Variants in TDRD1 observed in about 807,000 individuals in gnomAD.
The protein encoded by TDRD1 is tudor domain-containing protein 1.
TDRD1 carries 37 observed loss-of-function variants against 140.6 expected under a neutral mutation model. That is an observed-to-expected ratio of 0.26 (90% CI 0.20 to 0.35). TDRD1 has a LOEUF of 0.35. Among genes scored for constraint, TDRD1 ranks in the 10% least tolerant of loss-of-function variants. The probability of loss-of-function intolerance (pLI) is 1.00; values close to 1 mark genes in which losing one functional copy is unlikely to be tolerated. For synonymous variants in TDRD1, 506 were observed against 475.7 expected (o/e 1.06, Z -0.83); for missense variants, 1,243 against 1,393.0 (o/e 0.89, Z 1.71).
Position 114,227,971 on chromosome 10 carries a change from CT to C in TDRD1, c.3450+18del. The C allele has an allele frequency of 6.2e-7, 1 of 1,612,362 alleles. No individual in the cohort carries two copies. The highest frequency in any genetic ancestry group is 8.5e-7 in the Non-Finnish European group (1 of 1,178,618). ...TACAGAAACAAGTAGGTAAAATTTC[CT>C]TTAAGTGAAATTATACTCCTAACGT... On this transcript the variant is annotated intron_variant, in intron 24 of 25. Transcript: ENST00000251864.
intron 5 of TDRD1, among the ~76,000 whole-genome samples, chr10:114,202,018 C>T (rs931340100): frequency 2.0e-5 from 3 of 152,192 alleles, no homozygotes; most frequent in Non-Finnish European, 4.4e-5. Flanking sequence ...CTCTGTCTGT[C>T]TCATTAGGTG....
upstream of TDRD1, among the ~76,000 whole-genome samples, chr10:114,177,888 G>A (rs1001303112): frequency 4.7e-5 from 7 of 147,898 alleles, no homozygotes; most frequent in Non-Finnish European, 1.0e-4. Flanking sequence ...CTGGAGTGCA[G>A]TGGCAGTGAT....
downstream of TDRD1, chr10:114,232,326 A>C (rs1292043070): frequency 6.6e-6 from 1 of 151,184 alleles, no homozygotes; most frequent in East Asian, 1.9e-4. Context: ...AAAAACGAAG[A>C]GTGTATATTT....
At chr10:114,192,110 T>C (rs1339431538) in intron 3 of TDRD1, among the ~76,000 whole-genome samples, 1 of 151,940 alleles carries the variant, frequency 6.6e-6, no homozygotes, top group Non-Finnish European at 1.5e-5. Flanking sequence ...ATATTGGTCC[T>C]TTGTCAAGTA....
chr10:114,197,380 T>A (rs1435457518), intron 3 of TDRD1, among the ~76,000 whole-genome samples: 1 of 152,246 alleles, frequency 6.6e-6, no homozygotes, highest in Admixed American at 6.5e-5. Flanking sequence ...TGTATTTTTG[T>A]TATACTTTTC....
At chr10:114,215,168 C>T (rs151126247) in intron 16 of TDRD1, among the ~76,000 whole-genome samples, 1 of 152,294 alleles carries the variant, frequency 6.6e-6, no homozygotes, top group East Asian at 1.9e-4. Flanking sequence ...CTGCTGCCCC[C>T]TGCACTGTGA....
chr10:114,178,783 A>C (rs2032788431), upstream of TDRD1, among the ~76,000 whole-genome samples: 1 of 152,046 alleles, frequency 6.6e-6, no homozygotes, highest in Non-Finnish European at 1.5e-5. Context: ...GATGTAGACA[A>C]GATTAACCAT....
exon 12 of TDRD1, chr10:114,210,635 A>C: frequency 6.2e-7 from 1 of 1,611,156 alleles, no homozygotes; most frequent in Non-Finnish European, 8.5e-7. Context: ...GTCGTAGACA[A>C]AAGTGACCTA....
At chr10:114,223,800 T>G (rs2036284601) in intron 21 of TDRD1, among the ~76,000 whole-genome samples, 1 of 152,204 alleles carries the variant, frequency 6.6e-6, no homozygotes. Context: ...GTGCTCTGCA[T>G]TAGTGCAAAT....
intron 15 of TDRD1, 127 bp from the exon 16 acceptor site, chr10:114,213,850 A>G (rs2035642558): frequency 1.2e-6 from 1 of 810,874 alleles, no homozygotes; most frequent in African/African-American, 1.7e-5. Flanking sequence ...TTTACGGTTA[A>G]TATTCCTATA....
chr10:114,199,166 T>C lies in TDRD1; in HGVS notation c.385-7T>C, dbSNP rs1358762688. 5 of 1,606,350 alleles carry C rather than the reference T, an allele frequency of 3.1e-6. No homozygotes were observed. The highest frequency in any genetic ancestry group is 2.2e-5 in the East Asian group (1 of 44,846). On this transcript the variant is annotated splice_polypyrimidine_tract_variant and splice_region_variant and intron_variant, in intron 3 of 25. Coordinates refer to ENST00000251864, the Ensembl canonical transcript of TDRD1. The stretch of plus-strand genomic sequence containing the variant: ...ATTCTAACATTGCTCTTCTTTGTTC[T>C]TAATAGAAGCCTGGAAATAATGTAC...
At chr10:114,187,969 A>T (rs142002398) in exon 2 of TDRD1, 141 of 1,614,086 alleles carry the variant, frequency 8.7e-5, no homozygotes, top group Non-Finnish European at 1.2e-4. Flanking sequence ...GTCCTGGAAC[A>T]CTTCCTAACC....
At chr10:114,213,709 C>T (rs58093408) in intron 15 of TDRD1, 121 bp downstream of exon 15, 70,594 of 955,404 alleles carry the variant, frequency 0.074, 2,687 homozygotes, top group African/African-American at 0.084. Flanking sequence ...TTAAATCAAG[C>T]ATTCATCTAA....
chr10:114,216,378 T>G (rs2035815543), intron 16 of TDRD1, among the ~76,000 whole-genome samples: 1 of 152,204 alleles, frequency 6.6e-6, no homozygotes, highest in South Asian at 2.1e-4. Context: ...CTCCACATCC[T>G]CACAAACATT....
chr10:114,213,516 C>T (rs1272836149), exon 15 of TDRD1: 2 of 1,613,652 alleles, frequency 1.2e-6, no homozygotes, highest in Non-Finnish European at 1.7e-6. Flanking sequence ...CAAAGTTCTC[C>T]TAGATGCAGG....
chr10:114,228,391 A>G (rs1427093937), intron 25 of TDRD1: 1 of 1,185,410 alleles, frequency 8.4e-7, no homozygotes, highest in African/African-American at 1.6e-5. Context: ...GGTTCTGTGA[A>G]TGCCTATGTT....
chr10:114,199,232 T>C, exon 4 of TDRD1: 1 of 1,613,986 alleles, frequency 6.2e-7, no homozygotes. Context: ...TGGTCGAGAA[T>C]TCCTTGTCCA....
chr10:114,218,321 C>T (rs2035940790), intron 17 of TDRD1, 93 bp from the exon 18 acceptor site: 2 of 932,534 alleles, frequency 2.1e-6, no homozygotes, highest in Non-Finnish European at 3.0e-6. Flanking sequence ...TTATTACCTA[C>T]TTTTAGACAA....
At chr10:114,205,696 A>G (rs976298421) in intron 10 of TDRD1, among the ~76,000 whole-genome samples, 1 of 152,176 alleles carries the variant, frequency 6.6e-6, no homozygotes, top group Non-Finnish European at 1.5e-5. Context: ...AGAGGGTAGA[A>G]TGGTTACCAG....
Sources: allele counts gnomAD v4.1 joint callset (sites outside exome capture counted in the v4.1 genomes callset), GRCh38; gene constraint gnomAD v4.1.1; transcripts MANE v1.5; gene names NCBI Gene and HGNC (gene_info 2026-07-23, HGNC 2026-07-21).